Variants in PCDHGA9 observed in about 807,000 individuals in gnomAD.
PCDHGA9 encodes protocadherin gamma subfamily A, 9.
A neutral mutation model predicts 62.5 loss-of-function variants in PCDHGA9; 37 were observed. The observed-to-expected ratio is 0.59, with a 90% CI of 0.46 to 0.78. The LOEUF (loss-of-function observed/expected upper bound fraction) is 0.78. PCDHGA9 is among the 30% of genes least tolerant of loss of function. The probability of loss-of-function intolerance (pLI) is 0.00; values close to 1 mark genes in which losing one functional copy is unlikely to be tolerated. For missense variants in PCDHGA9, 1,138 were observed against 1,166.2 expected (o/e 0.98, Z 0.35); for synonymous variants, 459 against 484.6 (o/e 0.95, Z 0.69).
rs1224625072 is a variant in PCDHGA9 at position 141,490,972 on chromosome 5, C to A, written c.2425-3835C>A. On this transcript the variant is annotated intron_variant, in intron 1 of 3. Transcript: ENST00000573521. The surrounding 1 kb of genome is among the most constrained non-coding windows in gnomAD (Gnocchi z 5.4). ...AGACTGGGAACACTCAGCCCCCCAG[C>A]GTCTCCCTCGCTCTGCTCCTCCTGG... is the stretch of plus-strand genomic sequence containing the variant. 2 of 1,613,912 alleles carry A rather than the reference C, an allele frequency of 1.2e-6. No individual in the cohort carries two copies. Among genetic ancestry groups the A allele is most frequent in the Non-Finnish European group, 1.7e-6 (2 of 1,179,922 alleles).
chr5:141,511,641 A>C lies in PCDHGA9; in HGVS notation c.*468A>C. On this transcript the variant is annotated 3_prime_UTR_variant, in exon 4 of 4. Transcript: ENST00000573521. ...TCTGAAAAGTTGGAAGGGCATCATG[A>C]CCTCTTGGCCTCTCCTTTGATTCTC... 1 of 224,930 alleles carries C rather than the reference A, an allele frequency of 4.4e-6. No homozygotes were observed. The allele number at this position is 224,930 out of a possible 1,614,324, so 13.9% of individuals were successfully genotyped here. A position where few individuals can be genotyped will look rare whatever the true frequency, so the allele number is the denominator to read the frequency against.
chr5:141,409,172 G>C (rs574905228), intron 1 of PCDHGA9: 1 of 1,614,006 alleles, frequency 6.2e-7, no homozygotes, highest in Non-Finnish European at 8.5e-7. Context: ...AGCGAAGGAC[G>C]GAGGTGGTCT....
chr5:141,403,281 T>A lies in PCDHGA9; in HGVS notation c.329T>A (p.Val110Asp). The change falls in exon 1 of 4, where the codon GTT becomes GAT. Residue 110 changes from valine to aspartate, a missense_variant. Physicochemically the swap from Val to Asp is radical, Grantham distance 152. Coordinates refer to ENST00000573521, the MANE Select transcript of PCDHGA9 (RefSeq NM_018921.3). ...TGTCTGGTGAACTTTAAAGTCCTGG[T>A]TGAAGACAGAGTGAAACTGTACGGA... ...PRCLVNFKVL[V>D]EDRVKLYGIE... 6.2e-7 allele frequency: 1 copy of A among 1,613,908 alleles called. No homozygotes were observed. The highest frequency in any genetic ancestry group is 8.5e-7 in the Non-Finnish European group (1 of 1,179,894).
intron 2 of PCDHGA9, among the ~76,000 whole-genome samples, chr5:141,501,365 A>G (rs1360125423): frequency 1.3e-5 from 2 of 151,500 alleles, no homozygotes; most frequent in Admixed American, 6.6e-5. Flanking sequence ...AACCATATTC[A>G]TCATCTCTTA....
chr5:141,432,569 C>T lies in PCDHGA9; in HGVS notation c.2424+27193C>T. The T allele has an allele frequency of 6.2e-7, 1 of 1,613,920 alleles. No homozygotes were observed. On this transcript the variant is annotated intron_variant, in intron 1 of 3. Coordinates refer to ENST00000573521, the MANE Select transcript of PCDHGA9 (RefSeq NM_018921.3). This position sits in a 1 kb window ranked among gnomAD's most constrained non-coding sequence, Gnocchi z 6.0. ...CAGAGACTCCGGCCAGAACGCCTGG[C>T]TGTCCTACCGTCTGCTCAAGGCCAG...
chr5:141,505,779 T>G (rs1420143439), intron 3 of PCDHGA9, among the ~76,000 whole-genome samples: 1 of 139,496 alleles, frequency 7.2e-6, no homozygotes, highest in Non-Finnish European at 1.6e-5. Flanking sequence ...GTCCTAGCTC[T>G]GCTACTATCC....
chr5:141,431,090 G>C lies in PCDHGA9; in HGVS notation c.2424+25714G>C. On this transcript the variant is annotated intron_variant, in intron 1 of 3. Transcript: ENST00000573521. The surrounding 1 kb of genome is among the most constrained non-coding windows in gnomAD (Gnocchi z 4.8). ...TCAATTAAATCTAGACATTCTGATG[G>C]AGGATAAAGTGAAAATATATGGAGT... is the stretch of plus-strand genomic sequence containing the variant. 6.2e-7 allele frequency: 1 copy of C among 1,614,246 alleles called. No homozygotes were observed. The highest frequency in any genetic ancestry group is 8.5e-7 in the Non-Finnish European group (1 of 1,180,032).
chr5:141,502,535 G>A (rs910160644), intron 2 of PCDHGA9, among the ~76,000 whole-genome samples: 14 of 152,172 alleles, frequency 9.2e-5, no homozygotes, highest in South Asian at 2.1e-4. Flanking sequence ...GAGTTTGTTC[G>A]TGTGGTAAAA....
intron 1 of PCDHGA9, chr5:141,426,581 C>A: frequency 2.8e-6 from 1 of 358,468 alleles, no homozygotes. Context: ...TCTTCAAAAT[C>A]CTCTGTGTCA....
At position 141,415,600 on chromosome 5, in the gene PCDHGA9, C is replaced by G. The variant is rs778987183; in HGVS notation, c.2424+10224C>G. ...TTCGAAGTTTCCTATAGAGGATACC[C>G]CATTGGTTCCAGTGAGTTTTATTTT... On this transcript the variant is annotated intron_variant, in intron 1 of 3. Coordinates refer to ENST00000573521, the MANE Select transcript of PCDHGA9 (RefSeq NM_018921.3). 24 of 1,613,588 alleles carry G rather than the reference C, an allele frequency of 1.5e-5. No individual in the cohort carries two copies. In the Middle Eastern group the frequency reaches 1.2e-3, roughly 77 times the overall value.
intron 1 of PCDHGA9, among the ~76,000 whole-genome samples, chr5:141,483,778 G>T (rs1012545478): frequency 1.6e-4 from 24 of 152,222 alleles, no homozygotes; most frequent in African/African-American, 5.8e-4. Context: ...ATTGGGGAAG[G>T]ATAAGAACTC....
intron 1 of PCDHGA9, chr5:141,419,487 G>T: frequency 6.2e-7 from 1 of 1,612,378 alleles, no homozygotes. Context: ...CCCGCGCTCA[G>T]CGCCAATGTG....
At chr5:141,434,533 C>T (rs6862159) in intron 1 of PCDHGA9, among the ~76,000 whole-genome samples, 18,539 of 152,264 alleles carry the variant, frequency 0.12, 1,259 homozygotes, top group Non-Finnish European at 0.16. Flanking sequence ...AAACCACAAA[C>T]AATAGCATGA....
Position 141,432,736 on chromosome 5 carries a change from G to T in PCDHGA9, c.2424+27360G>T. On this transcript the variant is annotated intron_variant, in intron 1 of 3. Transcript: ENST00000573521. The surrounding 1 kb of genome is among the most constrained non-coding windows in gnomAD (Gnocchi z 6.0). ...AGCCCCCTCTCTCCGCCACTGTCACGCTCACCGTGGCCGTGGCCGACAGCA... is the reference window on the plus strand; with the variant it reads ...AGCCCCCTCTCTCCGCCACTGTCACTCTCACCGTGGCCGTGGCCGACAGCA... The T allele has an allele frequency of 6.2e-7, 1 of 1,614,058 alleles. No individual in the cohort carries two copies. The highest frequency in any genetic ancestry group is 8.5e-7 in the Non-Finnish European group (1 of 1,179,980).
intron 1 of PCDHGA9, among the ~76,000 whole-genome samples, chr5:141,445,892 T>C (rs2154561169): frequency 6.6e-6 from 1 of 152,346 alleles, no homozygotes; most frequent in African/African-American, 2.4e-5. Context: ...TTAGGAGCTA[T>C]TAAAATATTT....
intron 1 of PCDHGA9, among the ~76,000 whole-genome samples, chr5:141,467,758 C>CTCAA (rs933308513): frequency 6.6e-5 from 10 of 152,018 alleles, no homozygotes; most frequent in Admixed American, 5.9e-4. Flanking sequence ...GCCTCACATG[C>CTCAA]TCAAGTGCCC....
intron 1 of PCDHGA9, among the ~76,000 whole-genome samples, chr5:141,425,485 A>G (rs2096878362): frequency 6.6e-6 from 1 of 152,274 alleles, no homozygotes; most frequent in Non-Finnish European, 1.5e-5. Context: ...ATGGCAACCT[A>G]CTAGGCTATA....
Position 141,493,701 on chromosome 5 carries a change from C to G in PCDHGA9, c.2425-1106C>G, listed in dbSNP as rs2099749680. 6.6e-6 allele frequency among the ~76,000 whole-genome samples: 1 copy of G among 152,172 alleles called. No homozygotes were observed. Among genetic ancestry groups the G allele is most frequent in the Admixed American group, 6.5e-5 (1 of 15,286 alleles). On this transcript the variant is annotated intron_variant, in intron 1 of 3. Coordinates refer to ENST00000573521, the MANE Select transcript of PCDHGA9 (RefSeq NM_018921.3). This position sits in a 1 kb window ranked among gnomAD's most constrained non-coding sequence, Gnocchi z 4.3. Reference sequence around the variant, plus strand: ...ATGGTGCTGGTGACTCCCGATACACCTGGAATGCTAGGTTTCTGGGTTCTG... The same window carrying G: ...ATGGTGCTGGTGACTCCCGATACACGTGGAATGCTAGGTTTCTGGGTTCTG...
rs1404333144 is a variant in PCDHGA9, at chr5:141,404,248, G to T, written c.1296G>T (p.Leu432=). Residue 432 remains leucine, a synonymous_variant, in exon 1 of 4, where the codon CTG becomes CTT. Coordinates refer to ENST00000573521, the MANE Select transcript of PCDHGA9 (RefSeq NM_018921.3). ...CAACAGACAGAGGAACTCCGCCCCT[G>T]TCCACAGAAATTCACATCACCCTGC... ...VTATDRGTPP[L]STEIHITLQV... is the part of the protein sequence containing the mutation. 1 of 1,613,694 alleles carries T rather than the reference G, an allele frequency of 6.2e-7. No individual in the cohort carries two copies. Among genetic ancestry groups the T allele is most frequent in the South Asian group, 1.1e-5 (1 of 91,064 alleles).
Sources: gnomAD v4.1 joint callset for allele counts (sites outside exome capture counted in the v4.1 genomes callset) on GRCh38, gnomAD v4.1.1 for gene constraint, Gnocchi (gnomAD v3.1) non-coding constraint, MANE v1.5 for transcripts, NCBI Gene and HGNC (gene_info 2026-07-23, HGNC 2026-07-21) for gene names.